Variants in CACNA1A observed in about 807,000 individuals in gnomAD.
CACNA1A encodes voltage-dependent P/Q-type calcium channel subunit alpha-1A.
In CACNA1A, 57 loss-of-function variants were observed where a neutral mutation model predicts 262.4. That is an observed-to-expected ratio of 0.22 (90% CI 0.18 to 0.27). The LOEUF is 0.27. Among genes scored for constraint, CACNA1A ranks in the 10% least tolerant of loss-of-function variants. The pLI, the probability that CACNA1A is intolerant of heterozygous loss-of-function variation, is 1.00. For missense variants in CACNA1A, 2,526 were observed against 3,562.8 expected, an observed-to-expected ratio of 0.71 and a Z score of 7.41; for synonymous variants, 1,431 against 1,419.3, an observed-to-expected ratio of 1.01 and a Z score of -0.18.
At chr19:13,446,646 G>A (rs1476971082) in intron 3 of CACNA1A, among the ~76,000 whole-genome samples, 1 of 142,972 alleles carries the variant, frequency 7.0e-6, no homozygotes, top group Non-Finnish European at 1.5e-5. Context: ...TAGTACAGAT[G>A]GGGTTTCACC....
chr19:13,267,866 A>G (rs1242682743), intron 24 of CACNA1A, among the ~76,000 whole-genome samples: 1 of 151,696 alleles, frequency 6.6e-6, no homozygotes, highest in Non-Finnish European at 1.5e-5. Context: ...CTGTAGCCTC[A>G]ACCTCCAGGG....
intron 24 of CACNA1A, among the ~76,000 whole-genome samples, chr19:13,268,421 C>G (rs187827278): frequency 6.8e-6 from 1 of 147,038 alleles, no homozygotes; most frequent in East Asian, 2.0e-4. Context: ...CACGACCCCT[C>G]TGGAAGTTAG....
chr19:13,484,230 T>TA (rs1355767016), intron 1 of CACNA1A, among the ~76,000 whole-genome samples: 5 of 152,108 alleles, frequency 3.3e-5, no homozygotes, highest in Non-Finnish European at 7.3e-5. Context: ...AGGTAACAGT[T>TA]AAAAGGTGCT....
intron 1 of CACNA1A, among the ~76,000 whole-genome samples, chr19:13,479,256 ATGAG>A (rs1978954971): frequency 6.6e-6 from 1 of 152,312 alleles, no homozygotes; most frequent in South Asian, 2.1e-4. Flanking sequence ...TAGCAGACAG[ATGAG>A]TAAGTAAGAA....
intron 26 of CACNA1A, chr19:13,261,218 G>T: frequency 2.1e-6 from 1 of 472,170 alleles, no homozygotes; most frequent in Admixed American, 3.6e-5. Context: ...GACAAAGGCG[G>T]TGGCTGAAAG....
Position 13,379,647 on chromosome 19 carries a change from C to A in CACNA1A, c.540-7868G>T, listed in dbSNP as rs142417893. Among the ~76,000 whole-genome samples, 11 of 152,188 alleles carry A rather than the reference C, an allele frequency of 7.2e-5. 1 individual carries two copies. Among genetic ancestry groups the A allele is most frequent in the African/African-American group, 2.4e-4 (10 of 41,530 alleles). Reference sequence around the variant, plus strand: ...TTCAGTGTTAAAAGTGTTACAGGGCCGGGCGCGGTGGCTCACACCTGTAAT... The same window carrying A: ...TTCAGTGTTAAAAGTGTTACAGGGCAGGGCGCGGTGGCTCACACCTGTAAT... On this transcript the variant is annotated intron_variant, in intron 3 of 46. Transcript: ENST00000360228.
At chr19:13,328,257 T>A (rs1421438472) in intron 10 of CACNA1A, among the ~76,000 whole-genome samples, 4 of 152,194 alleles carry the variant, frequency 2.6e-5, no homozygotes, top group African/African-American at 9.7e-5. Flanking sequence ...ACAGACATAA[T>A]TGATCAAATA....
intron 10 of CACNA1A, 79 bp downstream of exon 10, chr19:13,330,165 A>C (rs760671917): frequency 3.0e-6 from 3 of 1,006,570 alleles, no homozygotes; most frequent in Non-Finnish European, 4.5e-6. Flanking sequence ...ACGGTTTGCA[A>C]GCCCTCTGCC....
chr19:13,209,680 T>G (rs1264017968), intron 44 of CACNA1A, among the ~76,000 whole-genome samples, 182 bp from the exon 45 acceptor site: 1 of 152,142 alleles, frequency 6.6e-6, no homozygotes, highest in Non-Finnish European at 1.5e-5. Flanking sequence ...GGGCTCTGGG[T>G]GTGGCCAGGC....
chr19:13,463,010 C>T (rs1249376287), intron 1 of CACNA1A, among the ~76,000 whole-genome samples: 1 of 152,104 alleles, frequency 6.6e-6, no homozygotes, highest in African/African-American at 2.4e-5. Context: ...ATCCTCTCAC[C>T]TTGGCCTTTC....
chr19:13,376,757 A>G (rs900982611), intron 3 of CACNA1A, among the ~76,000 whole-genome samples: 2 of 146,190 alleles, frequency 1.4e-5, no homozygotes, highest in African/African-American at 5.0e-5. Flanking sequence ...ACAATATGTT[A>G]TATGTGACAT....
intron 3 of CACNA1A, among the ~76,000 whole-genome samples, chr19:13,374,850 T>A (rs2059379256): frequency 6.6e-6 from 1 of 151,932 alleles, no homozygotes; most frequent in African/African-American, 2.4e-5. Flanking sequence ...TTTTGTTTTG[T>A]TCTAGAGATG....
chr19:13,259,490 G>A, intron 27 of CACNA1A, 74 bp downstream of exon 27: 2 of 1,451,896 alleles, frequency 1.4e-6, no homozygotes, highest in South Asian at 2.6e-5. Flanking sequence ...CTTTCTTATT[G>A]CTAAGCTCTC....
rs571281105 is a variant in CACNA1A at position 13,400,657 on chromosome 19, G to T, written c.540-28878C>A. On this transcript the variant is annotated intron_variant, in intron 3 of 46. Transcript: ENST00000360228. ...CCAGGGGTGATTTCACCTCCCAGGGGACATTTGGCAATGTGTGGAGACATT... is the reference window on the plus strand; with the variant it reads ...CCAGGGGTGATTTCACCTCCCAGGGTACATTTGGCAATGTGTGGAGACATT... 3.9e-5 allele frequency among the ~76,000 whole-genome samples: 6 copies of T among 152,262 alleles called. No homozygotes were observed. The East Asian group carries it at 9.6e-4, about 24-fold the overall frequency.
At position 13,214,653 on chromosome 19, in the gene CACNA1A, C is replaced by G. The variant is rs2054933831; in HGVS notation, c.5732-45G>C. ...AGACCCTGACTGCCTGCCTGGGTGT[C>G]AGCTGGACTCTGGGTCAGCTGCAAA... On this transcript the variant is annotated intron_variant, in intron 38 of 46. Transcript: ENST00000360228. This position sits in a 1 kb window ranked among gnomAD's most constrained non-coding sequence, Gnocchi z 4.1. The G allele has an allele frequency of 6.8e-7, 1 of 1,461,486 alleles. No individual in the cohort carries two copies. The highest frequency in any genetic ancestry group is 1.4e-5 in the African/African-American group (1 of 71,772). The allele number at this position is 1,461,486 out of a possible 1,614,324, so 90.5% of individuals were successfully genotyped here. A position where few individuals can be genotyped will look rare whatever the true frequency, so the allele number is the denominator to read the frequency against.
intron 1 of CACNA1A, among the ~76,000 whole-genome samples, chr19:13,459,751 G>A (rs776655131): frequency 3.3e-5 from 5 of 152,074 alleles, no homozygotes; most frequent in African/African-American, 4.8e-5. Context: ...CCACTCCTCC[G>A]GTTCCCTGGT....
At chr19:13,351,772 T>C (rs1376577091) in intron 6 of CACNA1A, among the ~76,000 whole-genome samples, 1 of 152,022 alleles carries the variant, frequency 6.6e-6, no homozygotes, top group Non-Finnish European at 1.5e-5. Flanking sequence ...CCTCCCAAAG[T>C]GCTGGGATTA....
At chr19:13,394,265 C>A (rs1166361367) in intron 3 of CACNA1A, among the ~76,000 whole-genome samples, 8 of 152,066 alleles carry the variant, frequency 5.3e-5, no homozygotes, top group Non-Finnish European at 1.0e-4. Context: ...TGGGCTGGGT[C>A]TTAAGCCCAT....
chr19:13,446,444 T>TTC (rs563594440), intron 3 of CACNA1A, among the ~76,000 whole-genome samples: 2,729 of 141,162 alleles, frequency 0.019, 93 homozygotes, highest in African/African-American at 0.065. Context: ...TTTTCTTTCT[T>TTC]TTTTTTTTTT....
Sources: allele counts gnomAD v4.1 joint callset (sites outside exome capture counted in the v4.1 genomes callset), GRCh38; gene constraint gnomAD v4.1.1; non-coding constraint Gnocchi (gnomAD v3.1); transcripts MANE v1.5; gene names NCBI Gene and HGNC (gene_info 2026-07-23, HGNC 2026-07-21).